Variants in SRL observed in about 807,000 individuals in gnomAD.
The protein encoded by SRL is sarcalumenin.
In SRL, 23 loss-of-function variants were observed where a neutral mutation model predicts 39.5. The observed-to-expected ratio is 0.58, with a 90% CI of 0.42 to 0.82. The LOEUF (loss-of-function observed/expected upper bound fraction) is 0.82. Ranked by LOEUF, SRL falls within the 40% of genes least tolerant of loss-of-function variation. SRL has a pLI of 0.00. For synonymous variants in SRL, 272 were observed against 237.4 expected, an observed-to-expected ratio of 1.15 and a Z score of -1.34; for missense variants, 592 against 607.8, an observed-to-expected ratio of 0.97 and a Z score of 0.27.
At chr16:4,230,462 C>G (rs1384056280) in intron 1 of SRL, among the ~76,000 whole-genome samples, 4 of 151,328 alleles carry the variant, frequency 2.6e-5, no homozygotes, top group Non-Finnish European at 5.9e-5. Context: ...CTCACTGCAA[C>G]CTCCACCTCC....
chr16:4,238,448 G>A (rs1199454436), intron 1 of SRL, among the ~76,000 whole-genome samples: 2 of 152,158 alleles, frequency 1.3e-5, no homozygotes, highest in Non-Finnish European at 2.9e-5. Context: ...GGCCTCATCT[G>A]GACCTCCCTC....
At chr16:4,218,279 C>G (rs2052483687) in intron 1 of SRL, among the ~76,000 whole-genome samples, 2 of 152,178 alleles carry the variant, frequency 1.3e-5, no homozygotes, top group South Asian at 2.1e-4. Flanking sequence ...CAGACCCATT[C>G]TAAGGGCCAC....
chr16:4,198,032 G>T, intron 3 of SRL, 117 bp from the exon 4 acceptor site: 1 of 736,996 alleles, frequency 1.4e-6, no homozygotes, highest in Non-Finnish European at 2.4e-6. Flanking sequence ...AATTCTCCAT[G>T]AATCAGACGT....
intron 1 of SRL, among the ~76,000 whole-genome samples, chr16:4,229,170 G>A (rs540754083): frequency 3.3e-5 from 5 of 152,248 alleles, no homozygotes; most frequent in East Asian, 1.9e-4. Flanking sequence ...ATGGCTGGGC[G>A]CAGTGGCTCG....
chr16:4,214,727 C>T (rs1046680535), intron 1 of SRL, among the ~76,000 whole-genome samples: 1 of 152,008 alleles, frequency 6.6e-6, no homozygotes, highest in Non-Finnish European at 1.5e-5. Flanking sequence ...TGACTTTATC[C>T]TACTGGGTAA....
At chr16:4,230,450 G>A (rs555722440) in intron 1 of SRL, among the ~76,000 whole-genome samples, 11 of 150,014 alleles carry the variant, frequency 7.3e-5, no homozygotes, top group South Asian at 4.2e-4. Context: ...GTGCGATCTC[G>A]GCTCACTGCA....
chr16:4,228,689 CAT>C (rs1421016606), intron 1 of SRL, among the ~76,000 whole-genome samples: 11 of 151,434 alleles, frequency 7.3e-5, no homozygotes, highest in Non-Finnish European at 1.3e-4. Flanking sequence ...GAGCCAAGAT[CAT>C]GCCACTGCAC....
intron 1 of SRL, among the ~76,000 whole-genome samples, chr16:4,221,888 G>T (rs547574498): frequency 1.2e-4 from 18 of 152,248 alleles, no homozygotes; most frequent in Middle Eastern, 3.4e-3. Context: ...CTGACACAAG[G>T]CCTTCTCTGT....
intron 1 of SRL, among the ~76,000 whole-genome samples, chr16:4,211,794 G>A (rs2052397244): frequency 6.6e-6 from 1 of 151,466 alleles, no homozygotes; most frequent in African/African-American, 2.4e-5. Context: ...CTGATGATGA[G>A]GATCGTGATG....
intron 3 of SRL, among the ~76,000 whole-genome samples, chr16:4,199,501 G>A (rs2052194044): frequency 6.7e-6 from 1 of 149,512 alleles, no homozygotes; most frequent in African/African-American, 2.5e-5. Flanking sequence ...CTCCTGAGTA[G>A]CTGAGACCAC....
In SRL at chr16:4,203,924, A is replaced by G. The variant is rs573212074; in HGVS notation, c.163+609T>C. ...TTGGCCTGTCAGTGTACTCCCAGAC[A>G]CTCCCCGGAGGGGTGGGGTCAGATA... On this transcript the variant is annotated intron_variant, in intron 2 of 5. Coordinates refer to ENST00000399609, the MANE Select transcript of SRL (RefSeq NM_001098814.2). Among the ~76,000 whole-genome samples, 372 of 151,778 alleles carry G rather than the reference A, an allele frequency of 2.5e-3. 2 individuals carry two copies. Among genetic ancestry groups the G allele is most frequent in the African/African-American group, 8.8e-3 (364 of 41,368 alleles).
At chr16:4,223,721 T>C (rs1047788371) in intron 1 of SRL, among the ~76,000 whole-genome samples, 1 of 151,980 alleles carries the variant, frequency 6.6e-6, no homozygotes, top group Non-Finnish European at 1.5e-5. Flanking sequence ...TCCCAGAAGA[T>C]TCTCACACAC....
At chr16:4,240,508 C>T (rs1268083355) in intron 1 of SRL, among the ~76,000 whole-genome samples, 1 of 152,058 alleles carries the variant, frequency 6.6e-6, no homozygotes, top group Non-Finnish European at 1.5e-5. Flanking sequence ...AGCTTTACGC[C>T]GGAGGTTGGG....
chr16:4,202,760 A>G (rs916173846), intron 3 of SRL, among the ~76,000 whole-genome samples: 2 of 152,126 alleles, frequency 1.3e-5, no homozygotes, highest in African/African-American at 2.4e-5. Flanking sequence ...CAATAGCAGG[A>G]GGGGAAGGAA....
At chr16:4,230,236 G>A (rs573105978) in intron 1 of SRL, among the ~76,000 whole-genome samples, 2 of 151,652 alleles carry the variant, frequency 1.3e-5, no homozygotes, top group African/African-American at 4.9e-5. Flanking sequence ...AGATCAGCCA[G>A]GGGGGGCAAC....
chr16:4,242,070 T>C lies in SRL; in HGVS notation c.-3A>G, dbSNP rs200763104. On this transcript the variant is annotated 5_prime_UTR_variant, in exon 1 of 6. Transcript: ENST00000399609. ...CCGAGCAGGACCAGCGCCCTCATGG[T>C]GACTGCCAAGAGAGCCCAGCTGCTC... is the stretch of plus-strand genomic sequence containing the variant. 114 of 1,610,526 alleles carry C rather than the reference T, an allele frequency of 7.1e-5. No individual in the cohort carries two copies. In the East Asian group the frequency reaches 2.5e-3, roughly 35 times the overall value.
intron 1 of SRL, among the ~76,000 whole-genome samples, chr16:4,239,423 A>G (rs550249186): frequency 6.6e-6 from 1 of 152,252 alleles, no homozygotes; most frequent in Non-Finnish European, 1.5e-5. Context: ...CTCCGTATCA[A>G]GCAACAAGAG....
In SRL at chr16:4,232,337, G is replaced by A. The variant is rs934364889; in HGVS notation, c.61+9670C>T. On this transcript the variant is annotated intron_variant, in intron 1 of 5. Transcript: ENST00000399609. ...CCTTGGGTAAGTGCAAGAAAAATAA[G>A]TAATCATCTACTACTTGACACTAAG... is the stretch of plus-strand genomic sequence containing the variant. 5.4e-4 allele frequency among the ~76,000 whole-genome samples: 82 copies of A among 152,280 alleles called. 1 individual carries two copies. The highest frequency in any genetic ancestry group is 1.9e-3 in the African/African-American group (77 of 41,556).
intron 1 of SRL, among the ~76,000 whole-genome samples, chr16:4,231,505 C>G (rs1004199024): frequency 1.3e-5 from 2 of 152,154 alleles, no homozygotes; most frequent in African/African-American, 4.8e-5. Context: ...TCCTGGGGCC[C>G]ACATGCTCTG....
Sources: gnomAD v4.1 joint callset for allele counts (sites outside exome capture counted in the v4.1 genomes callset) on GRCh38, gnomAD v4.1.1 for gene constraint, MANE v1.5 for transcripts, NCBI Gene and HGNC (gene_info 2026-07-23, HGNC 2026-07-21) for gene names.